ETAA1: variants seen among roughly 807,000 people sequenced by gnomAD.
The protein encoded by ETAA1 is ewing's tumor-associated antigen 1.
In ETAA1, 49 loss-of-function variants were observed where a neutral mutation model predicts 76.8. The observed-to-expected ratio is 0.64, with a 90% CI of 0.51 to 0.81. ETAA1 has a LOEUF of 0.81. Ranked by LOEUF, ETAA1 falls within the 30% of genes least tolerant of loss-of-function variation. The pLI is 0.00. For missense variants in ETAA1, 1,099 were observed against 1,074.0 expected (o/e 1.02, Z -0.32); for synonymous variants, 373 against 372.2 (o/e 1.00, Z -0.03).
chr2:67,407,834 G>A (rs1025040439), intron 5 of ETAA1, among the ~76,000 whole-genome samples: 2 of 152,028 alleles, frequency 1.3e-5, no homozygotes, highest in Non-Finnish European at 2.9e-5. Context: ...CTAGTAGGCC[G>A]AGAAGGAAGA....
chr2:67,400,558 A>G (rs1240136168), intron 3 of ETAA1: 1 of 152,168 alleles, frequency 6.6e-6, no homozygotes, highest in African/African-American at 2.4e-5. Context: ...TAACTCTAAT[A>G]TTATAATTAC....
Position 67,397,678 on chromosome 2 carries a change from C to A in ETAA1, c.223+7C>A. On this transcript the variant is annotated splice_region_variant and intron_variant, in intron 1 of 5. Transcript: ENST00000272342. The stretch of plus-strand genomic sequence containing the variant: ...AGTAAAAGTAACCCCGAGGGTGAGA[C>A]GTCGGCAGCGCGGCCTGCCTTGGCT... 3 of 1,545,468 alleles carry A rather than the reference C, an allele frequency of 1.9e-6. No individual in the cohort carries two copies. Among genetic ancestry groups the A allele is most frequent in the Non-Finnish European group, 2.6e-6 (3 of 1,146,636 alleles).
intron 5 of ETAA1, among the ~76,000 whole-genome samples, chr2:67,406,624 T>A (rs1163843275): frequency 6.6e-6 from 1 of 152,158 alleles, no homozygotes; most frequent in Non-Finnish European, 1.5e-5. Context: ...AGTCTTCTGT[T>A]TCTCCTTTCT....
chr2:67,402,115 T>C (rs1676073958), intron 3 of ETAA1: 1 of 151,850 alleles, frequency 6.6e-6, no homozygotes, highest in Non-Finnish European at 1.5e-5. Flanking sequence ...ATTTGATTTG[T>C]TGGTTTGGTT....
chr2:67,402,699 C>A, intron 3 of ETAA1, 163 bp from the exon 4 acceptor site: 1 of 347,256 alleles, frequency 2.9e-6, no homozygotes, highest in Non-Finnish European at 5.2e-6. Flanking sequence ...TATCTCCCAA[C>A]TTCCTATTGT....
At position 67,403,318 on chromosome 2, in the gene ETAA1, C is replaced by A; in HGVS notation, c.636C>A (p.Asn212Lys). 6.2e-7 allele frequency: 1 copy of A among 1,606,286 alleles called. No individual in the cohort carries two copies. The highest frequency in any genetic ancestry group is 8.5e-7 in the Non-Finnish European group (1 of 1,174,844). ...MEELDVIQEQNKRNYDFTQMI... is the reference protein window; with the variant it reads ...MEELDVIQEQKKRNYDFTQMI... ...AGCTAGATGTGATTCAAGAGCAAAA[C>A]AAGAGGAATTATGATTTTACCCAGA... Residue 212 changes from asparagine to lysine, a missense_variant, in exon 5 of 6, where the codon AAC (asparagine) becomes AAA (lysine). Asn to Lys is a moderately conservative substitution (Grantham distance 94, BLOSUM62 0). This residue lies in a region of ETAA1 where 761 missense variants were observed against 731.9 expected (regional missense o/e 1.04). Transcript: ENST00000272342.
rs35271433 is a variant in ETAA1, at chr2:67,410,085, GTGAT to G, written c.*52_*55del. On this transcript the variant is annotated 3_prime_UTR_variant, in exon 6 of 6. Coordinates refer to ENST00000272342, the MANE Select transcript of ETAA1 (RefSeq NM_019002.4). Reference sequence around the variant, plus strand: ...TCACGAAGACTGCTGATAACTATCTGTGATTGATAGGAAATTTTTTTTCTTGATT... The same window carrying G: ...TCACGAAGACTGCTGATAACTATCTGTGATAGGAAATTTTTTTTCTTGATT... 145,678 of 1,539,008 alleles carry G rather than the reference GTGAT, an allele frequency of 0.095. 7,318 individuals carry two copies. The highest frequency in any genetic ancestry group is 0.13 in the Middle Eastern group (784 of 5,894).
rs1013531267 is a variant in ETAA1 at position 67,411,470 on chromosome 2, T to G, written c.*1432T>G. On this transcript the variant is annotated 3_prime_UTR_variant, in exon 6 of 6. Transcript: ENST00000272342. ...TTAGCTTAGCCTACCTTAAACATGC[T>G]CAAATCACTTATATTAGCCTAGAGT... 1 of 152,072 alleles carries G rather than the reference T, an allele frequency of 6.6e-6. No individual in the cohort carries two copies. Among genetic ancestry groups the G allele is most frequent in the African/African-American group, 2.4e-5 (1 of 41,414 alleles). 9.4% of individuals were successfully genotyped at this position (152,072 alleles called of 1,614,324 possible).
intron 4 of ETAA1, 82 bp from the exon 5 acceptor site, chr2:67,403,143 C>A: frequency 8.9e-7 from 1 of 1,129,166 alleles, no homozygotes; most frequent in Non-Finnish European, 1.2e-6. Context: ...AATCTTAGAG[C>A]TTTAACATCA....
At chr2:67,403,158 A>T (rs1676101651) in intron 4 of ETAA1, 67 bp from the exon 5 acceptor site, 1 of 1,211,368 alleles carries the variant, frequency 8.3e-7, no homozygotes, top group African/African-American at 1.5e-5. Context: ...ACATCAAAAT[A>T]TGTTAAATAA....
chr2:67,410,033 C>T lies in ETAA1; in HGVS notation c.2776C>T (p.Leu926Phe). 3 of 1,600,646 alleles carry T rather than the reference C, an allele frequency of 1.9e-6. No individual in the cohort carries two copies. The highest frequency in any genetic ancestry group is 2.6e-6 in the Non-Finnish European group (3 of 1,175,884). Residue 926 changes from leucine (L) to phenylalanine (F), a missense_variant, in exon 6 of 6, where the codon CTT becomes TTT. By Grantham distance (22) the Leu-to-Phe change is conservative. This residue lies in a region of ETAA1 where 302 missense variants were observed against 278.1 expected (regional missense o/e 1.09). Transcript: ENST00000272342. ...TGTAAATGCAGCTCCCACTTCATTT[C>T]TTTAATGAAATATTAGTTGGAAGAC... ...SSVNAAPTSF[L>F]
rs1432766010 is a variant in ETAA1 at position 67,397,539 on chromosome 2, G to C, written c.91G>C (p.Glu31Gln). 6.3e-7 allele frequency: 1 copy of C among 1,583,376 alleles called. No homozygotes were observed. Among genetic ancestry groups the C allele is most frequent in the Non-Finnish European group, 8.6e-7 (1 of 1,165,080 alleles). The change falls in exon 1 of 6, where the codon GAG becomes CAG. Residue 31 changes from glutamate to glutamine, a missense_variant. By Grantham distance (29) the Glu-to-Gln change is conservative. Transcript: ENST00000272342. The stretch of plus-strand genomic sequence containing the variant: ...GGCGGAGGAATGCGGCTCGGTGGTC[G>C]AGCCAGGGAGGAGGCGGCTGAGATC... Reference protein sequence around the residue: ...VAAEECGSVVEPGRRRLRSAR... With the variant: ...VAAEECGSVVQPGRRRLRSAR...
At chr2:67,397,851 C>A (rs1675925602) in intron 1 of ETAA1, among the ~76,000 whole-genome samples, 180 bp downstream of exon 1, 1 of 152,202 alleles carries the variant, frequency 6.6e-6, no homozygotes, top group African/African-American at 2.4e-5. Flanking sequence ...TGTCCCCGAA[C>A]TTCAGCACTA....
chr2:67,403,935 C>A lies in ETAA1; in HGVS notation c.1253C>A (p.Thr418Asn). The change falls in exon 5 of 6, where the codon ACC becomes AAC. Residue 418 changes from threonine (T) to asparagine (N), a missense_variant. Physicochemically the swap from Thr to Asn is moderately conservative, Grantham distance 65. Around this residue, in one of 3 missense-constraint regions of ETAA1, gnomAD observed 761 missense variants for 731.9 expected, o/e 1.04. Transcript: ENST00000272342. The stretch of plus-strand genomic sequence containing the variant: ...GTTACTGATCAAAAGGAAATTTGTA[C>A]CTTTAATAGTAAAACTGTTAAAAAT... ...AHVTDQKEIC[T>N]FNSKTVKNTS... The A allele has an allele frequency of 6.2e-7, 1 of 1,610,994 alleles. No homozygotes were observed. Among genetic ancestry groups the A allele is most frequent in the South Asian group, 1.1e-5 (1 of 90,840 alleles).
In ETAA1 at chr2:67,404,237, G is replaced by A; in HGVS notation, c.1555G>A (p.Glu519Lys). The change falls in exon 5 of 6, where the codon GAA (glutamate) becomes AAA (lysine). Residue 519 changes from glutamate to lysine, a missense_variant. Around this residue, in one of 3 missense-constraint regions of ETAA1, gnomAD observed 761 missense variants for 731.9 expected, o/e 1.04. Coordinates refer to ENST00000272342, the MANE Select transcript of ETAA1 (RefSeq NM_019002.4). ...DILTNSTEAS[E>K]RKSALNTRYS... ...TCTTACTAACTCTACTGAAGCTTCT[G>A]AAAGGAAGTCAGCTTTGAACACAAG... 1 of 1,612,462 alleles carries A rather than the reference G, an allele frequency of 6.2e-7. No homozygotes were observed.
At position 67,403,971 on chromosome 2, in the gene ETAA1, C is replaced by G; in HGVS notation, c.1289C>G (p.Ala430Gly). Residue 430 changes from alanine to glycine, a missense_variant, in exon 5 of 6, where the codon GCA (alanine) becomes GGA (glycine). Ala to Gly is a moderately conservative substitution (Grantham distance 60). Around this residue, in one of 3 missense-constraint regions of ETAA1, gnomAD observed 761 missense variants for 731.9 expected, o/e 1.04. Transcript: ENST00000272342. Reference sequence around the variant, plus strand: ...AAAACTGTTAAAAATACGTCAAGAGCAAATACAAGTCCAGATGCCAGGTTA... The same window carrying G: ...AAAACTGTTAAAAATACGTCAAGAGGAAATACAAGTCCAGATGCCAGGTTA... The part of the protein sequence containing the change: ...NSKTVKNTSR[A>G]NTSPDARLGD... 1 of 1,608,550 alleles carries G rather than the reference C, an allele frequency of 6.2e-7. No individual in the cohort carries two copies. The highest frequency in any genetic ancestry group is 1.1e-5 in the South Asian group (1 of 90,470).
At position 67,411,034 on chromosome 2, in the gene ETAA1, C is replaced by T. The variant is rs1362803331; in HGVS notation, c.*996C>T. The T allele has an allele frequency of 6.6e-6, 1 of 151,850 alleles. No homozygotes were observed. Among genetic ancestry groups the T allele is most frequent in the Non-Finnish European group, 1.5e-5 (1 of 67,900 alleles). The allele number at this position is 151,850 out of a possible 1,614,324, so 9.4% of individuals were successfully genotyped here. On this transcript the variant is annotated 3_prime_UTR_variant, in exon 6 of 6. Transcript: ENST00000272342. ...TAAAAATGAGAATCTTTTTTCTTTT[C>T]AGTTTTTCTGTAACTGTAATTTTCC...
chr2:67,401,397 T>G (rs982083212), intron 3 of ETAA1: 4 of 152,092 alleles, frequency 2.6e-5, no homozygotes, highest in Non-Finnish European at 2.9e-5. Flanking sequence ...TTATTTTGGT[T>G]GGACAGTCAG....
At position 67,397,653 on chromosome 2, in the gene ETAA1, A is replaced by C; in HGVS notation, c.205A>C (p.Ser69Arg). The C allele has an allele frequency of 1.3e-6, 2 of 1,547,334 alleles. No individual in the cohort carries two copies. Among genetic ancestry groups the C allele is most frequent in the South Asian group, 2.4e-5 (2 of 83,962 alleles). The change falls in exon 1 of 6, where the codon AGT becomes CGT. Residue 69 changes from serine to arginine, a missense_variant. Coordinates refer to ENST00000272342, the MANE Select transcript of ETAA1 (RefSeq NM_019002.4). ...REQPPTAALC[S>R]KSNPEERYET... ...GCAGCCTCCGACCGCCGCCCTGTGC[A>C]GTAAAAGTAACCCCGAGGGTGAGAC...
Sources: gnomAD v4.1 joint callset for allele counts (sites outside exome capture counted in the v4.1 genomes callset) on GRCh38, gnomAD v4.1.1 for gene constraint, gnomAD v4.1.1 regional missense constraint, MANE v1.5 for transcripts, NCBI Gene and HGNC (gene_info 2026-07-23, HGNC 2026-07-21) for gene names.